Variants in TRIO observed in about 807,000 individuals in gnomAD.
TRIO encodes triple functional domain protein.
In TRIO, 58 loss-of-function variants were observed where a neutral mutation model predicts 351.9. The observed-to-expected ratio is 0.16, with a 90% CI of 0.13 to 0.21. The LOEUF (loss-of-function observed/expected upper bound fraction) is 0.21, where lower values mean the gene tolerates loss of function less well. TRIO is among the 10% of genes least tolerant of loss of function. The probability of loss-of-function intolerance (pLI) is 1.00; values close to 1 mark genes in which losing one functional copy is unlikely to be tolerated. For missense variants in TRIO, 3,201 were observed against 4,027.8 expected (o/e 0.79, Z 5.56); for synonymous variants, 1,758 against 1,595.7 (o/e 1.10, Z -2.42).
At chr5:14,332,445 T>C (rs1392146054) in intron 10 of TRIO, among the ~76,000 whole-genome samples, 1 of 152,228 alleles carries the variant, frequency 6.6e-6, no homozygotes, top group African/African-American at 2.4e-5. Flanking sequence ...ACATACAGAA[T>C]GTCCCCACGT....
rs55799712 is a variant in TRIO, at chr5:14,308,649, TCATCCATCCATCCATC to T, written c.1500+4077_1500+4092del. On this transcript the variant is annotated intron_variant, in intron 8 of 56. Transcript: ENST00000344204. Reference sequence around the variant, plus strand: ...AACCAGTCACCCAACCACCCATTCATCATCCATCCATCCATCCATCCATCCATCCATCCATTCATTC... The same window carrying T: ...AACCAGTCACCCAACCACCCATTCATCATCCATCCATCCATCCATTCATTC... Among the ~76,000 whole-genome samples the T allele has an allele frequency of 6.7e-3, 938 of 139,392 alleles. 15 individuals carry two copies. Among genetic ancestry groups the T allele is most frequent in the African/African-American group, 0.024 (882 of 37,522 alleles). The allele number at this position is 139,392 out of a possible 152,430, so 91.4% of individuals were successfully genotyped here. A position where few individuals can be genotyped will look rare whatever the true frequency, so the allele number is the denominator to read the frequency against.
intron 6 of TRIO, among the ~76,000 whole-genome samples, chr5:14,293,947 C>A (rs542608133): frequency 1.3e-5 from 2 of 151,530 alleles, no homozygotes; most frequent in African/African-American, 4.9e-5. Context: ...AACCTTGTAA[C>A]GTTTGTTGTA....
intron 1 of TRIO, among the ~76,000 whole-genome samples, chr5:14,182,686 TTTTC>T (rs1789860444): frequency 6.6e-6 from 1 of 152,234 alleles, no homozygotes; most frequent in African/African-American, 2.4e-5. Context: ...CATGATTTGC[TTTTC>T]TTTCTAAGAC....
At chr5:14,421,835 C>A (rs2152391232) in intron 34 of TRIO, among the ~76,000 whole-genome samples, 1 of 152,202 alleles carries the variant, frequency 6.6e-6, no homozygotes, top group South Asian at 2.1e-4. Flanking sequence ...AGTCGGGCAA[C>A]AAGGGATGAG....
chr5:14,369,566 C>T (rs767071090), intron 18 of TRIO, 43 bp downstream of exon 18: 1 of 1,564,536 alleles, frequency 6.4e-7, no homozygotes, highest in Admixed American at 1.8e-5. Context: ...CAGAGGCTTC[C>T]TGCCTGCCAG....
intron 27 of TRIO, among the ~76,000 whole-genome samples, chr5:14,391,925 C>G (rs1423684604): frequency 6.6e-6 from 1 of 152,222 alleles, no homozygotes; most frequent in Non-Finnish European, 1.5e-5. Flanking sequence ...TAATAGGAAG[C>G]CTTCTCCCAG....
intron 21 of TRIO, among the ~76,000 whole-genome samples, chr5:14,382,844 C>CGT (rs1466134365): frequency 9.2e-5 from 12 of 130,762 alleles, no homozygotes; most frequent in African/African-American, 2.7e-4. Context: ...TATTTAGGGG[C>CGT]GTGTGTGTGT....
intron 33 of TRIO, among the ~76,000 whole-genome samples, chr5:14,407,790 G>T (rs1338191260): frequency 2.6e-5 from 4 of 152,132 alleles, no homozygotes; most frequent in Non-Finnish European, 5.9e-5. Flanking sequence ...TGGAATCCTG[G>T]GTTTACGTGA....
intron 1 of TRIO, among the ~76,000 whole-genome samples, chr5:14,210,471 C>T (rs1393330353): frequency 6.6e-6 from 1 of 152,192 alleles, no homozygotes; most frequent in Non-Finnish European, 1.5e-5. Flanking sequence ...TGCCCTTTAA[C>T]TTATGGGAGC....
intron 8 of TRIO, among the ~76,000 whole-genome samples, chr5:14,309,537 G>A (rs1486498955): frequency 2.6e-5 from 4 of 152,210 alleles, no homozygotes; most frequent in African/African-American, 9.6e-5. Flanking sequence ...GCAGACTTGA[G>A]TGTCTTGGCT....
At chr5:14,308,329 C>T (rs1040631392) in intron 8 of TRIO, among the ~76,000 whole-genome samples, 2 of 150,526 alleles carry the variant, frequency 1.3e-5, no homozygotes, top group Non-Finnish European at 3.0e-5. Flanking sequence ...ACCACCCATC[C>T]ATCCATCCAC....
intron 9 of TRIO, among the ~76,000 whole-genome samples, chr5:14,317,714 AGGTG>A (rs1162165910): frequency 9.2e-5 from 14 of 152,242 alleles, no homozygotes; most frequent in African/African-American, 3.1e-4. Context: ...TGAATGGGCC[AGGTG>A]CGGTGGCTCA....
intron 1 of TRIO, among the ~76,000 whole-genome samples, chr5:14,210,753 TTACTC>T (rs1165344608): frequency 1.3e-5 from 2 of 152,244 alleles, no homozygotes; most frequent in African/African-American, 4.8e-5. Context: ...AAAGTGCAGC[TTACTC>T]TATTCAGCCT....
At chr5:14,484,088 G>T (rs1383136493) in intron 46 of TRIO, among the ~76,000 whole-genome samples, 1 of 146,912 alleles carries the variant, frequency 6.8e-6, no homozygotes, top group Admixed American at 6.8e-5. Flanking sequence ...ATCCATCCCG[G>T]GCACTGCACT....
At position 14,265,466 on chromosome 5, in the gene TRIO, T is replaced by A. The variant is rs574285764; in HGVS notation, c.158-5359T>A. On this transcript the variant is annotated intron_variant, in intron 1 of 56. Coordinates refer to ENST00000344204, the MANE Select transcript of TRIO (RefSeq NM_007118.4). ...AAAAAATTTTAAAATTTGATTCATT[T>A]GATTCATCTTTCTGCCAGTTATGTA... 3.3e-5 allele frequency among the ~76,000 whole-genome samples: 5 copies of A among 152,364 alleles called. No homozygotes were observed. In the South Asian group the frequency reaches 1.0e-3, roughly 32 times the overall value.
rs113029066 is a variant in TRIO, at chr5:14,178,521, G to A, written c.157+34639G>A. On this transcript the variant is annotated intron_variant, in intron 1 of 56. Coordinates refer to ENST00000344204, the MANE Select transcript of TRIO (RefSeq NM_007118.4). ...TTCTTGATAAGCTGACCGCGTAATT[G>A]TCTAAACAGAGATGGTGTTGAGAGT... Among the ~76,000 whole-genome samples the A allele has an allele frequency of 3.3e-5, 5 of 152,320 alleles. No individual in the cohort carries two copies. The East Asian group carries it at 9.6e-4, about 29-fold the overall frequency.
At chr5:14,321,120 A>G (rs1739840313) in intron 9 of TRIO, among the ~76,000 whole-genome samples, 1 of 152,266 alleles carries the variant, frequency 6.6e-6, no homozygotes, top group Non-Finnish European at 1.5e-5. Flanking sequence ...GGCAAGTAGC[A>G]GCTATCATAT....
At chr5:14,165,797 C>T (rs963683557) in intron 1 of TRIO, among the ~76,000 whole-genome samples, 3 of 152,220 alleles carry the variant, frequency 2.0e-5, no homozygotes, top group African/African-American at 7.2e-5. Flanking sequence ...ACAGTGAACT[C>T]TACCGGTGGT....
intron 9 of TRIO, among the ~76,000 whole-genome samples, chr5:14,320,214 C>T (rs111641595): frequency 0.033 from 4,974 of 152,288 alleles, 118 homozygotes; most frequent in Non-Finnish European, 0.041. Flanking sequence ...AGCTGTGTTA[C>T]TGCTACACAC....
Sources: allele counts gnomAD v4.1 joint callset (sites outside exome capture counted in the v4.1 genomes callset), GRCh38; gene constraint gnomAD v4.1.1; transcripts MANE v1.5; gene names NCBI Gene and HGNC (gene_info 2026-07-23, HGNC 2026-07-21).